USP53: variants seen among roughly 807,000 people sequenced by gnomAD.
USP53 encodes the protein ubiquitin specific peptidase 53, also known as ubiquitin carboxyl-terminal hydrolase 53.
In USP53, 71 loss-of-function variants were observed where a neutral mutation model predicts 94.9. That is an observed-to-expected ratio of 0.75 (90% confidence interval 0.62 to 0.91). USP53 has a LOEUF of 0.91. USP53 is among the 40% of genes least tolerant of loss of function. The pLI is 0.00. For synonymous variants in USP53, 375 were observed against 422.7 expected, an observed-to-expected ratio of 0.89 and a Z score of 1.39; for missense variants, 1,173 against 1,281.0, an observed-to-expected ratio of 0.92 and a Z score of 1.29.
rs1457936659 is a variant in USP53 at position 119,291,172 on chromosome 4, A to G, written c.2259A>G (p.Arg753=). The part of the protein sequence containing the change: ...LQSQHHLEGF[R]KELRNLEAGY... The stretch of plus-strand genomic sequence containing the variant: ...CACCCCACCCAACCCTAGGCTTTAG[A>G]AAAGAACTCAGGAATTTGGAAGCAG... The change falls in exon 18 of 19, where the codon AGA becomes AGG. Residue 753 remains arginine, a synonymous_variant. Transcript: ENST00000692078. 1 of 1,192,512 alleles carries G rather than the reference A, an allele frequency of 8.4e-7. No homozygotes were observed. The highest frequency in any genetic ancestry group is 1.2e-6 in the Non-Finnish European group (1 of 860,276). The allele number at this position is 1,192,512 out of a possible 1,614,324, so 73.9% of individuals were successfully genotyped here.
At chr4:119,272,268 T>G (rs1263706553) in intron 16 of USP53, 4 of 360,562 alleles carry the variant, frequency 1.1e-5, no homozygotes, top group Admixed American at 4.3e-5. Flanking sequence ...ATTTCCTGAT[T>G]CCAAAAATAG....
intron 9 of USP53, among the ~76,000 whole-genome samples, chr4:119,257,782 C>T (rs1326251592): frequency 6.6e-6 from 1 of 152,156 alleles, no homozygotes. Context: ...CATTCCTAAA[C>T]TTCAGTCAAA....
chr4:119,256,926 G>A (rs1749839053), intron 9 of USP53, among the ~76,000 whole-genome samples: 1 of 152,122 alleles, frequency 6.6e-6, no homozygotes. Context: ...GCTAGGGTAA[G>A]CGGAGAAGAA....
chr4:119,249,539 T>C (rs1378633572), intron 7 of USP53, among the ~76,000 whole-genome samples: 1 of 152,206 alleles, frequency 6.6e-6, no homozygotes, highest in African/African-American at 2.4e-5. Context: ...TTGTAAATTC[T>C]TTCATCAGAA....
At chr4:119,267,222 T>G in intron 12 of USP53, 98 bp from the exon 13 acceptor site, 1 of 1,221,558 alleles carries the variant, frequency 8.2e-7, no homozygotes. Context: ...CATATCTAAA[T>G]TTTTTAAAAA....
intron 15 of USP53, among the ~76,000 whole-genome samples, chr4:119,270,231 A>G (rs910538519): frequency 2.6e-5 from 4 of 151,596 alleles, no homozygotes; most frequent in African/African-American, 9.7e-5. Context: ...AGTAGCTAGG[A>G]CTACAGGCAC....
At chr4:119,234,682 A>C (rs1746502619) in intron 3 of USP53, among the ~76,000 whole-genome samples, 1 of 152,254 alleles carries the variant, frequency 6.6e-6, no homozygotes, top group Non-Finnish European at 1.5e-5. Context: ...TTAAAACCTT[A>C]ATTTGTATGC....
At chr4:119,232,853 A>G (rs1746247346) in intron 3 of USP53, among the ~76,000 whole-genome samples, 1 of 151,962 alleles carries the variant, frequency 6.6e-6, no homozygotes. Context: ...TTTCTATTTC[A>G]TTTTCCCTTT....
intron 12 of USP53, among the ~76,000 whole-genome samples, chr4:119,266,553 T>C (rs576246283): frequency 6.6e-5 from 10 of 152,336 alleles, no homozygotes; most frequent in African/African-American, 2.4e-4. Context: ...TGGTAATATT[T>C]TGAGCATCTT....
intron 17 of USP53, among the ~76,000 whole-genome samples, chr4:119,281,780 G>T (rs977820869): frequency 2.0e-5 from 3 of 152,172 alleles, no homozygotes; most frequent in African/African-American, 7.2e-5. Flanking sequence ...GAAAGTGTGT[G>T]TGTGATGCAC....
At chr4:119,256,042 A>C (rs1276288963) in intron 7 of USP53, among the ~76,000 whole-genome samples, 1 of 135,312 alleles carries the variant, frequency 7.4e-6, no homozygotes, top group Non-Finnish European at 1.5e-5. Context: ...TTAATTAAAC[A>C]ACATTTTCTT....
Position 119,245,381 on chromosome 4 carries a change from G to T in USP53, c.189G>T (p.Leu63Phe). ...LDIFRRSLRV[L>F]TGHVCQGDAC... ...TATTCCGACGAAGCTTGCGGGTTTT[G>T]ACTGGACATGTTTGTCAGGGAGATG... Residue 63 changes from leucine (L) to phenylalanine (F), a missense_variant, in exon 6 of 19, where the codon TTG (leucine) becomes TTT (phenylalanine). By Grantham distance (22) the Leu-to-Phe change is conservative (BLOSUM62 0). Coordinates refer to ENST00000692078, the MANE Select transcript of USP53 (RefSeq NM_001371395.1). 1 of 1,613,770 alleles carries T rather than the reference G, an allele frequency of 6.2e-7. No homozygotes were observed. Among genetic ancestry groups the T allele is most frequent in the South Asian group, 1.1e-5 (1 of 91,050 alleles).
intron 17 of USP53, among the ~76,000 whole-genome samples, chr4:119,287,734 A>G (rs992581717): frequency 3.3e-5 from 5 of 152,188 alleles, no homozygotes; most frequent in Non-Finnish European, 5.9e-5. Flanking sequence ...ATATTTTGCT[A>G]TCTTCTATGG....
At chr4:119,263,250 T>G (rs554010170) in intron 12 of USP53, among the ~76,000 whole-genome samples, 103 of 152,262 alleles carry the variant, frequency 6.8e-4, no homozygotes, top group African/African-American at 2.1e-3. Context: ...TTGAACAACA[T>G]GCAGTTGAAC....
At chr4:119,233,979 C>G (rs1036697702) in intron 3 of USP53, among the ~76,000 whole-genome samples, 3 of 152,124 alleles carry the variant, frequency 2.0e-5, no homozygotes, top group Admixed American at 2.0e-4. Context: ...TGTTGACCTG[C>G]TTAGAGGCAT....
intron 6 of USP53, among the ~76,000 whole-genome samples, chr4:119,247,105 CA>C (rs1487901686): frequency 1.3e-5 from 2 of 152,248 alleles, no homozygotes; most frequent in African/African-American, 4.8e-5. Context: ...GATCACATTA[CA>C]GTATCACATT....
At position 119,271,851 on chromosome 4, in the gene USP53, A is replaced by G. The variant is rs1328289238; in HGVS notation, c.1991A>G (p.Glu664Gly). 2 of 1,613,308 alleles carry G rather than the reference A, an allele frequency of 1.2e-6. No homozygotes were observed. Among genetic ancestry groups the G allele is most frequent in the Non-Finnish European group, 1.7e-6 (2 of 1,179,882 alleles). Residue 664 changes from glutamate to glycine, a missense_variant, in exon 16 of 19, where the codon GAG becomes GGG. Transcript: ENST00000692078. ...CTTGAATCTAATGGAAAAGGAGCAGAGAAAAATAAAGGCCTTGTAGAGGGT... is the reference window on the plus strand; with the variant it reads ...CTTGAATCTAATGGAAAAGGAGCAGGGAAAAATAAAGGCCTTGTAGAGGGT... ...SSLESNGKGA[E>G]KNKGLVEGKV... is the part of the protein sequence containing the mutation.
chr4:119,281,705 A>G (rs1221703814), intron 17 of USP53, among the ~76,000 whole-genome samples: 1 of 152,194 alleles, frequency 6.6e-6, no homozygotes, highest in East Asian at 1.9e-4. Context: ...ACAAGATCGT[A>G]GAGATTTTGA....
chr4:119,266,803 A>G (rs544787795), intron 12 of USP53, among the ~76,000 whole-genome samples: 12 of 151,972 alleles, frequency 7.9e-5, no homozygotes, highest in East Asian at 1.9e-4. Context: ...TTTTTCTTCT[A>G]TGGTTTGGTA....
Sources: allele counts gnomAD v4.1 joint callset (sites outside exome capture counted in the v4.1 genomes callset), GRCh38; gene constraint gnomAD v4.1.1; transcripts MANE v1.5; gene names NCBI Gene and HGNC (gene_info 2026-07-23, HGNC 2026-07-21).